SHANK2: variants seen among roughly 807,000 people sequenced by gnomAD.
SHANK2 encodes SH3 and multiple ankyrin repeat domains protein 2.
SHANK2 carries 43 observed loss-of-function variants against 133.7 expected under a neutral mutation model. The ratio of observed to expected loss-of-function variants is 0.32; its 90% confidence interval spans 0.25 to 0.41. The LOEUF (loss-of-function observed/expected upper bound fraction) is 0.41, where lower values mean the gene tolerates loss of function less well. SHANK2 is among the 10% of genes least tolerant of loss of function. SHANK2 has a pLI of 1.00. For missense variants in SHANK2, 1,994 were observed against 2,235.8 expected (o/e 0.89, Z 2.18); for synonymous variants, 1,017 against 952.8 (o/e 1.07, Z -1.24).
rs1198141663 is a variant in SHANK2 at position 71,161,445 on chromosome 11, G to T, written c.-12-14107C>A. ...CCAGGAGAGATTAACTAAGAGCCTG[G>T]CATCTTTTTAGATCTGTTAAGAGAC... is the stretch of plus-strand genomic sequence containing the variant. On this transcript the variant is annotated intron_variant, in intron 2 of 25. Transcript: ENST00000601538. Among the ~76,000 whole-genome samples, 4 of 152,242 alleles carry T rather than the reference G, an allele frequency of 2.6e-5. 1 individual carries two copies. The East Asian group carries it at 5.8e-4, about 22-fold the overall frequency.
At chr11:71,125,879 C>T (rs1313106845) in intron 3 of SHANK2, among the ~76,000 whole-genome samples, 1 of 152,132 alleles carries the variant, frequency 6.6e-6, no homozygotes, top group African/African-American at 2.4e-5. Flanking sequence ...AAGTTGAAGC[C>T]TATGCTAATA....
At chr11:71,171,128 T>A (rs1178511210) in intron 2 of SHANK2, among the ~76,000 whole-genome samples, 2 of 152,220 alleles carry the variant, frequency 1.3e-5, no homozygotes, top group African/African-American at 4.8e-5. Context: ...CTGTTTTCTC[T>A]TCTTCTAGGT....
At chr11:70,710,957 A>T (rs1701122549) in intron 14 of SHANK2, among the ~76,000 whole-genome samples, 1 of 152,098 alleles carries the variant, frequency 6.6e-6, no homozygotes, top group South Asian at 2.1e-4. Flanking sequence ...TCTTTTCCTG[A>T]AGATTTATCT....
intron 5 of SHANK2, among the ~76,000 whole-genome samples, chr11:71,112,034 C>T (rs781921183): frequency 6.6e-6 from 1 of 152,170 alleles, no homozygotes; most frequent in Non-Finnish European, 1.5e-5. Context: ...GCAACTGCCG[C>T]CCACATCTGG....
chr11:70,613,760 CTTGTT>C (rs2060697878), intron 17 of SHANK2, among the ~76,000 whole-genome samples: 1 of 20,394 alleles, frequency 4.9e-5, no homozygotes, highest in African/African-American at 1.8e-4. Flanking sequence ...AAGAGGGGAA[CTTGTT>C]TTTTTTTTTT....
chr11:70,634,804 T>C (rs1469404958), intron 17 of SHANK2: 3 of 152,204 alleles, frequency 2.0e-5, no homozygotes, highest in Non-Finnish European at 4.4e-5. Context: ...AAGGTCGCAG[T>C]GAGGTGAGAT....
At chr11:70,661,958 T>A (rs1591720553) in intron 15 of SHANK2, 8 of 718,216 alleles carry the variant, frequency 1.1e-5, no homozygotes, top group Non-Finnish European at 1.9e-5. Flanking sequence ...GTGGGGCGGC[T>A]GCCTGAGGGA....
intron 11 of SHANK2, among the ~76,000 whole-genome samples, chr11:70,847,289 C>T (rs80241422): frequency 0.036 from 5,448 of 152,280 alleles, 278 homozygotes; most frequent in African/African-American, 0.12. Flanking sequence ...ATGAGGTCCA[C>T]GCCTCCTACC....
chr11:70,487,520 T>A lies in SHANK2; in HGVS notation c.2773A>T (p.Asn925Tyr), dbSNP rs1555154531. The part of the protein sequence containing the change: ...RVYGTIKPAF[N>Y]QNSAAKVSPA... ...GACACCTTGGCGGCAGAATTCTGAT[T>A]GAACGCAGGCTTAATCGTCCCGTAG... Residue 925 changes from asparagine to tyrosine, a missense_variant, in exon 25 of 26, where the codon AAT (asparagine) becomes TAT (tyrosine). Physicochemically the swap from Asn to Tyr is moderately radical, Grantham distance 143. This residue lies in a region of SHANK2 where 488 missense variants were observed against 642.6 expected (regional missense o/e 0.76). Coordinates refer to ENST00000601538, the MANE Select transcript of SHANK2 (RefSeq NM_012309.5). This position sits in a 1 kb window ranked among gnomAD's most constrained non-coding sequence, Gnocchi z 5.8. 1 of 1,613,764 alleles carries A rather than the reference T, an allele frequency of 6.2e-7. No individual in the cohort carries two copies. Among genetic ancestry groups the A allele is most frequent in the Admixed American group, 1.7e-5 (1 of 59,968 alleles).
chr11:70,523,344 C>T (rs905547615), intron 17 of SHANK2, among the ~76,000 whole-genome samples: 2 of 152,236 alleles, frequency 1.3e-5, no homozygotes, highest in Admixed American at 6.5e-5. Flanking sequence ...TAAAACACAG[C>T]AGGGTAGGAA....
Position 70,739,946 on chromosome 11 carries a change from A to G in SHANK2, c.1778-41183T>C, listed in dbSNP as rs1946484998. ...ATTCGGTGGCACGCAGGTAGGGCAC[A>G]GAAGTCCAGCTTGGCTCCTTCGCCA... On this transcript the variant is annotated intron_variant, in intron 14 of 25. Coordinates refer to ENST00000601538, the MANE Select transcript of SHANK2 (RefSeq NM_012309.5). This position sits in a 1 kb window ranked among gnomAD's most constrained non-coding sequence, Gnocchi z 4.3. Among the ~76,000 whole-genome samples the G allele has an allele frequency of 6.6e-6, 1 of 152,248 alleles. No homozygotes were observed. The highest frequency in any genetic ancestry group is 1.5e-5 in the Non-Finnish European group (1 of 68,042).
intron 1 of SHANK2, among the ~76,000 whole-genome samples, chr11:71,249,122 T>TG (rs1948134640): frequency 1.3e-5 from 2 of 152,108 alleles, no homozygotes; most frequent in African/African-American, 4.8e-5. Context: ...CACTTAGCCC[T>TG]GGGGGGCTGC....
At chr11:71,204,861 T>C (rs1954097594) in intron 2 of SHANK2, among the ~76,000 whole-genome samples, 1 of 152,082 alleles carries the variant, frequency 6.6e-6, no homozygotes, top group Non-Finnish European at 1.5e-5. Context: ...ATCCACAGGA[T>C]GCTGACCACG....
At chr11:70,512,855 A>C (rs552364154) in intron 17 of SHANK2, among the ~76,000 whole-genome samples, 342 of 152,344 alleles carry the variant, frequency 2.2e-3, no homozygotes, top group African/African-American at 7.7e-3. Flanking sequence ...AAATAGAGTT[A>C]GGACATAATT....
intron 13 of SHANK2, among the ~76,000 whole-genome samples, chr11:70,803,336 A>T (rs1555050990): frequency 6.8e-5 from 10 of 148,048 alleles, no homozygotes; most frequent in South Asian, 2.2e-4. Flanking sequence ...CCATCCATCT[A>T]CCCATCCATC....
In SHANK2 at chr11:70,560,894, C is replaced by T. The variant is rs370220195; in HGVS notation, c.2062-57963G>A. ...CGCCTGCCTCGGCCTCCCAAAGTGC[C>T]GGGATTACAGGCGTGAGCCACGGTG... On this transcript the variant is annotated intron_variant, in intron 17 of 25. Coordinates refer to ENST00000601538, the MANE Select transcript of SHANK2 (RefSeq NM_012309.5). 2.4e-4 allele frequency among the ~76,000 whole-genome samples: 37 copies of T among 151,376 alleles called. No individual in the cohort carries two copies. The South Asian group carries it at 3.1e-3, about 13-fold the overall frequency.
chr11:70,608,751 T>C lies in SHANK2; in HGVS notation c.2061+51077A>G, dbSNP rs142446418. Among the ~76,000 whole-genome samples the C allele has an allele frequency of 2.8e-4, 43 of 152,360 alleles. No individual in the cohort carries two copies. In the East Asian group the frequency reaches 7.7e-3, roughly 27 times the overall value. On this transcript the variant is annotated intron_variant, in intron 17 of 25. Transcript: ENST00000601538. Reference sequence around the variant, plus strand: ...CCCATTCACAGCCGAAAGCTCGTGCTATTTAGTCTCATCTGTGTGCAGCCG... The same window carrying C: ...CCCATTCACAGCCGAAAGCTCGTGCCATTTAGTCTCATCTGTGTGCAGCCG...
Position 70,636,597 on chromosome 11 carries a change from G to A in SHANK2, c.2061+23231C>T, listed in dbSNP as rs1256055386. Among the ~76,000 whole-genome samples, 4 of 151,580 alleles carry A rather than the reference G, an allele frequency of 2.6e-5. No homozygotes were observed. The East Asian group carries it at 7.8e-4, about 29-fold the overall frequency. On this transcript the variant is annotated intron_variant, in intron 17 of 25. Coordinates refer to ENST00000601538, the MANE Select transcript of SHANK2 (RefSeq NM_012309.5). Reference sequence around the variant, plus strand: ...TGTATGAATGTGAGTCTGTGTGAGTGTATGAGTGTGTGTATGCGAGCATGT... The same window carrying A: ...TGTATGAATGTGAGTCTGTGTGAGTATATGAGTGTGTGTATGCGAGCATGT...
rs781836818 is a variant in SHANK2 at position 70,659,832 on chromosome 11, A to G, written c.2057T>C (p.Ile686Thr). 6 of 1,613,826 alleles carry G rather than the reference A, an allele frequency of 3.7e-6. No homozygotes were observed. The highest frequency in any genetic ancestry group is 2.2e-5 in the South Asian group (2 of 91,060). ...TACAGACACCTGTGTCCCTACCTCAATCAAGAAGTCCCCGGTCCTTAGTCC... is the reference window on the plus strand; with the variant it reads ...TACAGACACCTGTGTCCCTACCTCAGTCAAGAAGTCCCCGGTCCTTAGTCC... Reference protein sequence around the residue: ...QAGLRTGDFLIEVNNENVVKV... With the variant: ...QAGLRTGDFLTEVNNENVVKV... Residue 686 changes from isoleucine (I) to threonine (T), a missense_variant, in exon 17 of 26, where the codon ATT becomes ACT. Transcript: ENST00000601538.
Sources: gnomAD v4.1 joint callset for allele counts (sites outside exome capture counted in the v4.1 genomes callset) on GRCh38, gnomAD v4.1.1 for gene constraint, gnomAD v4.1.1 regional missense constraint, Gnocchi (gnomAD v3.1) non-coding constraint, MANE v1.5 for transcripts, NCBI Gene and HGNC (gene_info 2026-07-23, HGNC 2026-07-21) for gene names.